Variants in ANKS1B observed in about 807,000 individuals in gnomAD.
The protein encoded by ANKS1B is ankyrin repeat and sterile alpha motif domain containing 1B.
ANKS1B carries 36 observed loss-of-function variants against 148.3 expected under a neutral mutation model. The observed-to-expected ratio is 0.24, with a 90% confidence interval of 0.19 to 0.32. The LOEUF is 0.32. Among genes scored for constraint, ANKS1B ranks in the 10% least tolerant of loss-of-function variants. The pLI is 1.00. For synonymous variants in ANKS1B, 542 were observed against 560.8 expected (o/e 0.97, Z 0.47); for missense variants, 1,157 against 1,542.6 (o/e 0.75, Z 4.19).
chr12:98,995,304 A>G (rs1470267776), intron 17 of ANKS1B, among the ~76,000 whole-genome samples: 2 of 152,206 alleles, frequency 1.3e-5, no homozygotes, highest in Non-Finnish European at 2.9e-5. Context: ...AAAAATATGG[A>G]AGCTGGCCAG....
rs542607559 is a variant in ANKS1B at position 99,473,194 on chromosome 12, T to C, written c.1439-29385A>G. On this transcript the variant is annotated intron_variant, in intron 10 of 26. Transcript: ENST00000683438. ...ACATATTAATTATGTCACAGACATA[T>C]TGTGTTTTAAATTTACATTAATATC... is the stretch of plus-strand genomic sequence containing the variant. Among the ~76,000 whole-genome samples the C allele has an allele frequency of 7.2e-5, 11 of 152,164 alleles. No homozygotes were observed. In the South Asian group the frequency reaches 1.9e-3, roughly 26 times the overall value.
intron 11 of ANKS1B, among the ~76,000 whole-genome samples, chr12:99,430,858 A>G (rs1301569574): frequency 6.6e-6 from 1 of 152,176 alleles, no homozygotes; most frequent in Non-Finnish European, 1.5e-5. Flanking sequence ...CTAGAATCAC[A>G]TTGTCCAATC....
chr12:99,490,039 T>C (rs2152963425), intron 10 of ANKS1B, among the ~76,000 whole-genome samples: 1 of 152,330 alleles, frequency 6.6e-6, no homozygotes, highest in African/African-American at 2.4e-5. Context: ...TGAATCCCAG[T>C]ATCTAGAGTG....
chr12:99,622,660 AT>A (rs2098068283), intron 9 of ANKS1B, among the ~76,000 whole-genome samples: 1 of 151,960 alleles, frequency 6.6e-6, no homozygotes, highest in Non-Finnish European at 1.5e-5. Context: ...AAACTGACAA[AT>A]TCCTAGAAAC....
chr12:99,323,151 G>C (rs539884928), intron 12 of ANKS1B, among the ~76,000 whole-genome samples: 110 of 152,188 alleles, frequency 7.2e-4, no homozygotes, highest in Non-Finnish European at 1.4e-3. Flanking sequence ...TCAACTGAAG[G>C]GTCAGCATAC....
At chr12:99,729,972 T>C (rs1429294920) in intron 8 of ANKS1B, among the ~76,000 whole-genome samples, 1 of 152,218 alleles carries the variant, frequency 6.6e-6, no homozygotes, top group Non-Finnish European at 1.5e-5. Context: ...CAGTGTTAAA[T>C]CTTTGGTGCT....
At chr12:99,118,609 G>C (rs945911601) in intron 15 of ANKS1B, among the ~76,000 whole-genome samples, 12 of 152,142 alleles carry the variant, frequency 7.9e-5, no homozygotes, top group Admixed American at 2.0e-4. Flanking sequence ...GTGCTGCAAT[G>C]CTGTGAGCCC....
chr12:99,534,688 CT>C lies in ANKS1B; in HGVS notation c.1273-30048del, dbSNP rs1313136743. ...ACAATATATTTAGACTTTTAGGAAA[CT>C]TTTTTTTTCTTTTTTCTTTTCTTTT... On this transcript the variant is annotated intron_variant, in intron 9 of 26. Coordinates refer to ENST00000683438, the MANE Select transcript of ANKS1B (RefSeq NM_001352186.2). Among the ~76,000 whole-genome samples the C allele has an allele frequency of 1.3e-3, 194 of 146,514 alleles. 1 individual carries two copies. Among genetic ancestry groups the C allele is most frequent in the African/African-American group, 4.5e-3 (178 of 39,994 alleles).
intron 9 of ANKS1B, among the ~76,000 whole-genome samples, chr12:99,523,818 C>T (rs2096900446): frequency 6.6e-6 from 1 of 152,182 alleles, no homozygotes; most frequent in Admixed American, 6.5e-5. Flanking sequence ...TCCCAAAGTG[C>T]TGGGACTACA....
intron 8 of ANKS1B, among the ~76,000 whole-genome samples, chr12:99,683,004 A>G (rs2098630039): frequency 6.6e-6 from 1 of 152,204 alleles, no homozygotes; most frequent in Non-Finnish European, 1.5e-5. Flanking sequence ...AAGGTGACAT[A>G]CACGTCATAC....
At chr12:99,931,884 T>C (rs1024322579) in intron 1 of ANKS1B, among the ~76,000 whole-genome samples, 2 of 152,106 alleles carry the variant, frequency 1.3e-5, no homozygotes, top group Admixed American at 1.3e-4. Context: ...TTCCCTCTAA[T>C]TATATTTTTG....
intron 25 of ANKS1B, among the ~76,000 whole-genome samples, chr12:98,759,177 A>C (rs1336073011): frequency 1.3e-5 from 2 of 152,184 alleles, no homozygotes; most frequent in East Asian, 3.8e-4. Flanking sequence ...AAGGGATGCA[A>C]ACTCACTTTT....
intron 1 of ANKS1B, among the ~76,000 whole-genome samples, chr12:99,910,780 C>T (rs1235437443): frequency 6.7e-6 from 1 of 148,152 alleles, no homozygotes; most frequent in Admixed American, 6.7e-5. Context: ...ATAATATATG[C>T]ATATATATAC....
At chr12:98,950,149 C>T (rs1431602640) in intron 17 of ANKS1B, among the ~76,000 whole-genome samples, 1 of 152,138 alleles carries the variant, frequency 6.6e-6, no homozygotes, top group Non-Finnish European at 1.5e-5. Flanking sequence ...GTAGTAACTC[C>T]CAAGGGTTCA....
At chr12:99,736,373 A>AC (rs112505895) in intron 8 of ANKS1B, among the ~76,000 whole-genome samples, 37,492 of 151,616 alleles carry the variant, frequency 0.25, 4,898 homozygotes, top group African/African-American at 0.31. Context: ...ACAAAAAAAA[A>AC]CTCTTCAAAC....
intron 14 of ANKS1B, among the ~76,000 whole-genome samples, chr12:99,197,157 C>T (rs2081490977): frequency 1.3e-5 from 2 of 152,106 alleles, no homozygotes; most frequent in Admixed American, 1.3e-4. Flanking sequence ...GTAGCCTGAT[C>T]AGAACTACAG....
intron 17 of ANKS1B, among the ~76,000 whole-genome samples, chr12:98,835,077 T>C (rs1486601381): frequency 6.7e-6 from 1 of 149,850 alleles, no homozygotes; most frequent in Admixed American, 6.7e-5. Flanking sequence ...AAATGTTTTT[T>C]ATAATAAAGA....
intron 9 of ANKS1B, among the ~76,000 whole-genome samples, chr12:99,628,204 G>A (rs1341555065): frequency 2.0e-5 from 3 of 152,086 alleles, no homozygotes; most frequent in African/African-American, 7.2e-5. Context: ...CAGGGGAAAG[G>A]TGCAGTAAAA....
At chr12:99,109,316 C>T (rs539285942) in intron 15 of ANKS1B, among the ~76,000 whole-genome samples, 2 of 152,288 alleles carry the variant, frequency 1.3e-5, no homozygotes, top group African/African-American at 4.8e-5. Context: ...TTGCCTATTA[C>T]ATATAACAGC....
Sources: allele counts gnomAD v4.1 joint callset (sites outside exome capture counted in the v4.1 genomes callset), GRCh38; gene constraint gnomAD v4.1.1; transcripts MANE v1.5; gene names NCBI Gene and HGNC (gene_info 2026-07-23, HGNC 2026-07-21).